The following PLGRKT variants were observed in gnomAD, a reference collection of about 807,000 sequenced individuals.
PLGRKT encodes the protein plasminogen receptor (KT).
PLGRKT carries 22 observed loss-of-function variants against 18.5 expected under a neutral mutation model. The observed-to-expected ratio is 1.19, with a 90% CI of 0.85 to 1.70. PLGRKT has a LOEUF of 1.70. PLGRKT is among the 40% of genes most tolerant of loss of function. PLGRKT has a pLI of 0.00. For missense variants in PLGRKT, 235 were observed against 174.4 expected (o/e 1.35, Z -1.96); for synonymous variants, 72 against 52.8 (o/e 1.36, Z -1.58).
At chr9:5,432,833 T>G (rs35153118) in intron 2 of PLGRKT, among the ~76,000 whole-genome samples, 3,159 of 152,254 alleles carry the variant, frequency 0.021, 60 homozygotes, top group South Asian at 0.044. Flanking sequence ...AGTGGCGTGA[T>G]CTCGGCTGGC....
At chr9:5,373,575 G>T (rs1308982850) in intron 3 of PLGRKT, among the ~76,000 whole-genome samples, 1 of 152,120 alleles carries the variant, frequency 6.6e-6, no homozygotes, top group Admixed American at 6.5e-5. Flanking sequence ...TGAGGCAGGA[G>T]GATCGCTTGA....
intron 3 of PLGRKT, among the ~76,000 whole-genome samples, chr9:5,386,569 A>G (rs1817848190): frequency 6.6e-6 from 1 of 151,866 alleles, no homozygotes; most frequent in Non-Finnish European, 1.5e-5. Context: ...GGCCTCAATT[A>G]AAGAGGCCAT....
chr9:5,386,999 T>A (rs7853035), intron 3 of PLGRKT, among the ~76,000 whole-genome samples: 103,492 of 151,656 alleles, frequency 0.68, 37,250 homozygotes, highest in African/African-American at 0.92. Context: ...CAAGGTTGGA[T>A]GGGTGATGGC....
chr9:5,361,953 A>G, intron 3 of PLGRKT, 65 bp from the exon 4 acceptor site: 1 of 1,472,656 alleles, frequency 6.8e-7, no homozygotes, highest in Non-Finnish European at 9.3e-7. Flanking sequence ...ATAGTTAATA[A>G]TCTGTTTTTC....
intron 3 of PLGRKT, among the ~76,000 whole-genome samples, chr9:5,407,007 G>C (rs1818269996): frequency 6.6e-6 from 1 of 152,134 alleles, no homozygotes. Flanking sequence ...TTTCAGGAAA[G>C]AAAAATCACC....
At chr9:5,390,578 T>C (rs1427704855) in intron 3 of PLGRKT, among the ~76,000 whole-genome samples, 4 of 151,766 alleles carry the variant, frequency 2.6e-5, no homozygotes, top group Non-Finnish European at 5.9e-5. Context: ...ATTCAGCAAA[T>C]CAAGTTGGGG....
At chr9:5,424,277 T>C (rs1234334533) in intron 3 of PLGRKT, among the ~76,000 whole-genome samples, 6 of 137,154 alleles carry the variant, frequency 4.4e-5, no homozygotes, top group African/African-American at 1.6e-4. Flanking sequence ...ATATATTATA[T>C]ATAATATATA....
At chr9:5,361,004 A>C (rs1817250609) in intron 5 of PLGRKT, 74 bp downstream of exon 5, 2 of 794,820 alleles carry the variant, frequency 2.5e-6, no homozygotes, top group Admixed American at 4.4e-5. Context: ...TATAAGTCAA[A>C]GGTTCCTAAG....
intron 3 of PLGRKT, among the ~76,000 whole-genome samples, chr9:5,400,433 T>C (rs1276145657): frequency 6.6e-6 from 1 of 151,816 alleles, no homozygotes; most frequent in Non-Finnish European, 1.5e-5. Context: ...AATGACATAA[T>C]CCTATTACCG....
intron 3 of PLGRKT, among the ~76,000 whole-genome samples, chr9:5,377,927 AC>A (rs1163828809): frequency 6.6e-6 from 1 of 152,230 alleles, no homozygotes; most frequent in Non-Finnish European, 1.5e-5. Flanking sequence ...AGAAGGCAGT[AC>A]CACTGAGACC....
chr9:5,363,858 T>C (rs1817322696), intron 3 of PLGRKT, among the ~76,000 whole-genome samples: 1 of 152,194 alleles, frequency 6.6e-6, no homozygotes. Context: ...AAAATTAAAT[T>C]TGCTGTCACC....
chr9:5,392,850 A>T lies in PLGRKT; in HGVS notation c.82-30962T>A, dbSNP rs183742333. Among the ~76,000 whole-genome samples the T allele has an allele frequency of 7.6e-3, 1,145 of 151,252 alleles. 8 individuals carry two copies. The highest frequency in any genetic ancestry group is 0.021 in the South Asian group (103 of 4,804). On this transcript the variant is annotated intron_variant, in intron 3 of 5. Transcript: ENST00000223864. ...TACTTTATTTCATTTTATTATTATTATTTATTTTTGAGACAGAGTCTCACT... is the reference window on the plus strand; with the variant it reads ...TACTTTATTTCATTTTATTATTATTTTTTATTTTTGAGACAGAGTCTCACT...
chr9:5,401,353 A>G (rs1457413606), intron 3 of PLGRKT, among the ~76,000 whole-genome samples: 3 of 152,004 alleles, frequency 2.0e-5, no homozygotes, highest in African/African-American at 7.3e-5. Flanking sequence ...ATTTGTTCAC[A>G]TTAAAACTTT....
chr9:5,430,077 T>C (rs1483760357), intron 3 of PLGRKT, among the ~76,000 whole-genome samples: 1 of 152,228 alleles, frequency 6.6e-6, no homozygotes, highest in Admixed American at 6.5e-5. Context: ...ATTTCGCCCG[T>C]GCCCATCTTT....
intron 4 of PLGRKT, 59 bp from the exon 5 acceptor site, chr9:5,361,246 G>T: frequency 1.1e-6 from 1 of 928,184 alleles, no homozygotes; most frequent in Non-Finnish European, 1.7e-6. Flanking sequence ...ATACATATCT[G>T]TATACTTAAA....
chr9:5,371,493 C>T (rs181845677), intron 3 of PLGRKT, among the ~76,000 whole-genome samples: 37 of 152,336 alleles, frequency 2.4e-4, no homozygotes, highest in Admixed American at 5.9e-4. Context: ...TCCGCTTTCG[C>T]TTCTTCCTCA....
intron 3 of PLGRKT, among the ~76,000 whole-genome samples, chr9:5,408,982 T>G (rs767342836): frequency 6.6e-6 from 1 of 152,228 alleles, no homozygotes; most frequent in Non-Finnish European, 1.5e-5. Flanking sequence ...ATGCAGCGGA[T>G]AAGAGTTGAG....
chr9:5,418,504 C>T lies in PLGRKT; in HGVS notation c.81+13393G>A, dbSNP rs935895443. 6.4e-6 allele frequency: 7 copies of T among 1,088,452 alleles called. No homozygotes were observed. The highest frequency in any genetic ancestry group is 2.5e-5 in the East Asian group (1 of 39,416). 67.4% of individuals were successfully genotyped at this position (1,088,452 alleles called of 1,614,324 possible). ...CAACCACATGGAGCTTTTCACCATG[C>T]CCCGCCTGTCCTGCTCCTCCTCCGC... On this transcript the variant is annotated intron_variant, in intron 3 of 5. Transcript: ENST00000223864. This position sits in a 1 kb window ranked among gnomAD's most constrained non-coding sequence, Gnocchi z 4.2.
intron 3 of PLGRKT, among the ~76,000 whole-genome samples, chr9:5,407,541 G>GT (rs1429766199): frequency 6.6e-6 from 1 of 152,018 alleles, no homozygotes; most frequent in Non-Finnish European, 1.5e-5. Context: ...TTTAAAAAGT[G>GT]TTGAGTAAAT....
Sources: allele counts gnomAD v4.1 joint callset (sites outside exome capture counted in the v4.1 genomes callset), GRCh38; gene constraint gnomAD v4.1.1; non-coding constraint Gnocchi (gnomAD v3.1); transcripts MANE v1.5; gene names NCBI Gene and HGNC (gene_info 2026-07-23, HGNC 2026-07-21).